PTPRO: variants seen among roughly 807,000 people sequenced by gnomAD.
The protein encoded by PTPRO is protein tyrosine phosphatase receptor type O, also known as receptor-type tyrosine-protein phosphatase O.
Under a neutral mutation model 145.2 loss-of-function variants are expected in PTPRO, and 62 were observed. The ratio of observed to expected loss-of-function variants is 0.43; its 90% confidence interval spans 0.35 to 0.53. PTPRO has a LOEUF of 0.53. PTPRO is among the 20% of genes least tolerant of loss of function. PTPRO has a pLI of 0.01. For synonymous variants in PTPRO, 565 were observed against 514.7 expected (o/e 1.10, Z -1.32); for missense variants, 1,345 against 1,482.7 (o/e 0.91, Z 1.53).
Position 15,485,608 on chromosome 12 carries a change from T to C in PTPRO, c.349+1361T>C, listed in dbSNP as rs1312921417. ...GGAAAAATTAAGGCACAAAGAAAAA[T>C]AGATTTAGGACTGTAATGACGGTCG... On this transcript the variant is annotated intron_variant, in intron 2 of 26. Coordinates refer to ENST00000281171, the MANE Select transcript of PTPRO (RefSeq NM_030667.3). Among the ~76,000 whole-genome samples the C allele has an allele frequency of 5.3e-5, 8 of 151,850 alleles. 1 individual carries two copies. Among genetic ancestry groups the C allele is most frequent in the Non-Finnish European group, 8.8e-5 (6 of 67,958 alleles).
chr12:15,424,274 G>T (rs1015073481), intron 1 of PTPRO, among the ~76,000 whole-genome samples: 1 of 151,954 alleles, frequency 6.6e-6, no homozygotes, highest in Non-Finnish European at 1.5e-5. Context: ...CTTTTCCACT[G>T]GAGTAAAAAG....
At chr12:15,424,691 C>T (rs964189163) in intron 1 of PTPRO, among the ~76,000 whole-genome samples, 3 of 151,938 alleles carry the variant, frequency 2.0e-5, no homozygotes, top group Non-Finnish European at 2.9e-5. Context: ...AGAAGAAAAA[C>T]ATCTGAGCTG....
At chr12:15,520,402 T>C in intron 10 of PTPRO, 90 bp downstream of exon 10, 1 of 902,588 alleles carries the variant, frequency 1.1e-6, no homozygotes, top group Non-Finnish European at 1.9e-6. Flanking sequence ...GTGCCAGTCA[T>C]TCACCCAGCA....
intron 1 of PTPRO, among the ~76,000 whole-genome samples, chr12:15,355,296 C>T (rs1341207621): frequency 3.9e-5 from 6 of 152,160 alleles, no homozygotes; most frequent in African/African-American, 1.4e-4. Flanking sequence ...CCTTTCCCTC[C>T]TTAGTCCCAG....
chr12:15,528,522 C>CAAAA (rs34411111), intron 12 of PTPRO, among the ~76,000 whole-genome samples: 2 of 130,260 alleles, frequency 1.5e-5, no homozygotes, highest in African/African-American at 2.9e-5. Flanking sequence ...AAGAATCTGT[C>CAAAA]AAAAAAAAAA....
At chr12:15,548,758 C>CA in intron 13 of PTPRO, among the ~76,000 whole-genome samples, 1 of 151,938 alleles carries the variant, frequency 6.6e-6, no homozygotes, top group East Asian at 1.9e-4. Flanking sequence ...GAAAAAGCAC[C>CA]AAAATATATT....
intron 19 of PTPRO, among the ~76,000 whole-genome samples, chr12:15,573,824 A>G (rs1249026797): frequency 2.6e-5 from 4 of 152,158 alleles, no homozygotes; most frequent in Non-Finnish European, 5.9e-5. Flanking sequence ...GTGTGCTCCC[A>G]TGCCTGATTT....
chr12:15,339,980 G>A (rs146970949), intron 1 of PTPRO, among the ~76,000 whole-genome samples: 160 of 152,288 alleles, frequency 1.1e-3, no homozygotes, highest in African/African-American at 3.1e-3. Flanking sequence ...ACTAATCAAT[G>A]TAGGTAACTG....
At chr12:15,339,057 G>A (rs143693218) in intron 1 of PTPRO, among the ~76,000 whole-genome samples, 161 of 152,266 alleles carry the variant, frequency 1.1e-3, no homozygotes, top group African/African-American at 3.1e-3. Context: ...TAACGTATTA[G>A]TTTATAAATG....
chr12:15,493,543 A>C (rs1942041706), intron 2 of PTPRO, among the ~76,000 whole-genome samples: 1 of 152,150 alleles, frequency 6.6e-6, no homozygotes, highest in Non-Finnish European at 1.5e-5. Context: ...TGACCAAAAA[A>C]CATAAGAAAA....
At chr12:15,523,147 C>T (rs1185836265) in intron 10 of PTPRO, among the ~76,000 whole-genome samples, 1 of 152,134 alleles carries the variant, frequency 6.6e-6, no homozygotes, top group Admixed American at 6.5e-5. Context: ...TGCATTTTTA[C>T]TTCATATATT....
chr12:15,414,464 T>G (rs1382278309), intron 1 of PTPRO, among the ~76,000 whole-genome samples: 1 of 152,192 alleles, frequency 6.6e-6, no homozygotes, highest in African/African-American at 2.4e-5. Context: ...ACGTCTTTTT[T>G]TCTTTTCTCC....
At chr12:15,481,317 A>G (rs1941774297) in intron 1 of PTPRO, among the ~76,000 whole-genome samples, 1 of 152,176 alleles carries the variant, frequency 6.6e-6, no homozygotes, top group Non-Finnish European at 1.5e-5. Context: ...ACATTCTCCT[A>G]GAATTTTCCT....
At chr12:15,355,304 C>T (rs561123338) in intron 1 of PTPRO, among the ~76,000 whole-genome samples, 1 of 152,240 alleles carries the variant, frequency 6.6e-6, no homozygotes, top group South Asian at 2.1e-4. Flanking sequence ...TCCTTAGTCC[C>T]AGGTTTGTTT....
intron 19 of PTPRO, among the ~76,000 whole-genome samples, chr12:15,575,936 T>C (rs184017403): frequency 6.6e-6 from 1 of 152,308 alleles, no homozygotes; most frequent in African/African-American, 2.4e-5. Flanking sequence ...TCTAACTTAA[T>C]TACAACTGCA....
chr12:15,480,043 T>C (rs968118770), intron 1 of PTPRO, among the ~76,000 whole-genome samples: 1 of 152,198 alleles, frequency 6.6e-6, no homozygotes, highest in Non-Finnish European at 1.5e-5. Context: ...TGACTGAGGA[T>C]GAAACCAAAT....
chr12:15,337,281 A>C (rs1456148245), intron 1 of PTPRO: 2 of 152,202 alleles, frequency 1.3e-5, no homozygotes, highest in Non-Finnish European at 2.9e-5. Flanking sequence ...AAATTTACTA[A>C]AATTCAACTC....
intron 1 of PTPRO, among the ~76,000 whole-genome samples, chr12:15,372,943 A>G (rs1433703161): frequency 6.6e-6 from 1 of 151,990 alleles, no homozygotes; most frequent in Non-Finnish European, 1.5e-5. Flanking sequence ...TGGACCATCT[A>G]TTTTTGTCAG....
Position 15,501,620 on chromosome 12 carries a change from C to T in PTPRO, c.662C>T (p.Ala221Val), listed in dbSNP as rs1394186188. 4.3e-6 allele frequency: 7 copies of T among 1,611,366 alleles called. No individual in the cohort carries two copies. The highest frequency in any genetic ancestry group is 5.9e-6 in the Non-Finnish European group (7 of 1,177,620). The change falls in exon 5 of 27, where the codon GCC becomes GTC. Residue 221 changes from alanine to valine, a missense_variant and splice_region_variant. Coordinates refer to ENST00000281171, the MANE Select transcript of PTPRO (RefSeq NM_030667.3). ...VSHEPKQHRT[A>V]PYPPQNISVR... Reference sequence around the variant, plus strand: ...AAAATGAAAATTCTCTCTCTTACAGCCCCTTATCCACCTCAAAATATTTCC... The same window carrying T: ...AAAATGAAAATTCTCTCTCTTACAGTCCCTTATCCACCTCAAAATATTTCC...
Sources: gnomAD v4.1 joint callset for allele counts (sites outside exome capture counted in the v4.1 genomes callset) on GRCh38, gnomAD v4.1.1 for gene constraint, MANE v1.5 for transcripts, NCBI Gene and HGNC (gene_info 2026-07-23, HGNC 2026-07-21) for gene names.